The following ELAPOR2 variants were observed in gnomAD, a reference collection of about 807,000 sequenced individuals.
The protein encoded by ELAPOR2 is endosome-lysosome associated apoptosis and autophagy regulator family member 2.
ELAPOR2 carries 89 observed loss-of-function variants against 120.7 expected under a neutral mutation model. That is an observed-to-expected ratio of 0.74 (90% CI 0.62 to 0.88). ELAPOR2 has a LOEUF of 0.88. Among genes scored for constraint, ELAPOR2 ranks in the 40% least tolerant of loss-of-function variants. The pLI is 0.00. For missense variants in ELAPOR2, 1,134 were observed against 1,251.6 expected (o/e 0.91, Z 1.42); for synonymous variants, 444 against 444.9 (o/e 1.00, Z 0.03).
rs1302450722 is a variant in ELAPOR2 at position 86,918,471 on chromosome 7, A to C, written c.1564T>G (p.Ser522Ala). 1.8e-5 allele frequency: 29 copies of C among 1,613,110 alleles called. No homozygotes were observed. Among genetic ancestry groups the C allele is most frequent in the Non-Finnish European group, 2.5e-5 (29 of 1,179,424 alleles). The part of the protein sequence containing the change: ...RITFVFETLC[S>A]ADCVLYFMVD... ...ATGAAGTACAAAACACAGTCAGCTG[A>C]ACAGAGGGTCTCAAAGACAAATGTT... The change falls in exon 12 of 22, where the codon TCA becomes GCA. Residue 522 changes from serine (S) to alanine (A), a missense_variant. By Grantham distance (99) the Ser-to-Ala change is moderately conservative (BLOSUM62 1). This residue lies in a region of ELAPOR2 where 831 missense variants were observed against 867.6 expected (regional missense o/e 0.96). Transcript: ENST00000450689.
At chr7:86,922,448 A>G (rs1436031260) in intron 10 of ELAPOR2, among the ~76,000 whole-genome samples, 2 of 151,874 alleles carry the variant, frequency 1.3e-5, no homozygotes, top group Non-Finnish European at 2.9e-5. Context: ...GAAACCTAAA[A>G]TTACTTATAA....
chr7:87,047,743 C>T (rs1018896982), intron 1 of ELAPOR2, among the ~76,000 whole-genome samples: 14 of 152,130 alleles, frequency 9.2e-5, no homozygotes, highest in Non-Finnish European at 1.9e-4. Flanking sequence ...TTAGTGCAAC[C>T]ACTGTGGAGA....
chr7:86,912,266 A>T (rs996146654), intron 14 of ELAPOR2, 21 bp from the exon 15 acceptor site: 1 of 1,528,772 alleles, frequency 6.5e-7, no homozygotes, highest in African/African-American at 1.4e-5. Context: ...AGATAAAGAA[A>T]CAATATAGCA....
intron 1 of ELAPOR2, among the ~76,000 whole-genome samples, chr7:87,002,810 C>T (rs914231193): frequency 1.3e-5 from 2 of 152,096 alleles, no homozygotes; most frequent in Non-Finnish European, 2.9e-5. Flanking sequence ...ATACCCCATC[C>T]CCCAGCACTT....
intron 1 of ELAPOR2, among the ~76,000 whole-genome samples, chr7:86,968,148 C>T (rs902010734): frequency 1.2e-4 from 19 of 152,158 alleles, no homozygotes; most frequent in East Asian, 1.9e-4. Flanking sequence ...TTCTGAATGG[C>T]ATTCAGGGTA....
intron 1 of ELAPOR2, among the ~76,000 whole-genome samples, chr7:86,994,756 T>G (rs1414509951): frequency 6.6e-6 from 1 of 152,088 alleles, no homozygotes; most frequent in East Asian, 1.9e-4. Flanking sequence ...AGAAGATATC[T>G]TAGTTTTGTA....
At chr7:86,905,070 AGAAGGAAG>A (rs201126011) in intron 18 of ELAPOR2, among the ~76,000 whole-genome samples, 11,679 of 98,066 alleles carry the variant, frequency 0.12, 786 homozygotes, top group African/African-American at 0.18. Flanking sequence ...ACAGAGAGAG[AGAAGGAAG>A]GAAGGAAGGA....
intron 1 of ELAPOR2, among the ~76,000 whole-genome samples, chr7:87,041,944 T>A (rs1306464905): frequency 2.6e-5 from 4 of 151,504 alleles, no homozygotes; most frequent in Non-Finnish European, 5.9e-5. Context: ...AAGACAAAAA[T>A]GGCAGGGGTT....
intron 1 of ELAPOR2, among the ~76,000 whole-genome samples, chr7:87,014,027 C>CTTTTTTTTTTTTTTTTTT (rs35583728): frequency 8.2e-6 from 1 of 122,432 alleles, no homozygotes; most frequent in Non-Finnish European, 1.7e-5. Flanking sequence ...ATGTTTTTCA[C>CTTTTTTTTTTTTTTTTTT]TTTTTTTTTT....
intron 3 of ELAPOR2, among the ~76,000 whole-genome samples, chr7:86,945,887 G>T (rs1435854663): frequency 6.6e-6 from 1 of 151,862 alleles, no homozygotes; most frequent in Non-Finnish European, 1.5e-5. Context: ...CCACAAATTG[G>T]GAAGAAGTGT....
At chr7:86,899,307 G>T (rs1788606570) in intron 18 of ELAPOR2, among the ~76,000 whole-genome samples, 1 of 152,068 alleles carries the variant, frequency 6.6e-6, no homozygotes, top group Non-Finnish European at 1.5e-5. Context: ...CTGCTGTTTT[G>T]TTCATGAATT....
At chr7:86,889,430 T>C (rs1799849559) in intron 21 of ELAPOR2, among the ~76,000 whole-genome samples, 1 of 151,194 alleles carries the variant, frequency 6.6e-6, no homozygotes, top group Admixed American at 6.6e-5. Context: ...AGTGGATGCC[T>C]GAAACCAAGT....
intron 1 of ELAPOR2, among the ~76,000 whole-genome samples, chr7:86,983,185 T>C (rs935698535): frequency 9.9e-5 from 15 of 152,156 alleles, no homozygotes; most frequent in African/African-American, 3.1e-4. Context: ...TATGGGACTA[T>C]GTGAAAAGAC....
intron 2 of ELAPOR2, among the ~76,000 whole-genome samples, chr7:86,955,710 C>T (rs1204824994): frequency 1.3e-5 from 2 of 152,062 alleles, no homozygotes; most frequent in Admixed American, 6.5e-5. Context: ...CCAAAAGAGA[C>T]CTTTGAGATT....
chr7:87,025,551 G>A (rs10236531), intron 1 of ELAPOR2, among the ~76,000 whole-genome samples: 61,444 of 151,742 alleles, frequency 0.4, 13,977 homozygotes, highest in African/African-American at 0.62. Context: ...TTGACTCACA[G>A]GCCAATGCTT....
At chr7:86,904,753 C>G (rs1260987210) in intron 18 of ELAPOR2, among the ~76,000 whole-genome samples, 1 of 152,178 alleles carries the variant, frequency 6.6e-6, no homozygotes, top group Non-Finnish European at 1.5e-5. Flanking sequence ...TTAAGACTTT[C>G]TCACTTTCCC....
chr7:87,008,357 T>C (rs1793550726), intron 1 of ELAPOR2, among the ~76,000 whole-genome samples: 1 of 152,146 alleles, frequency 6.6e-6, no homozygotes. Flanking sequence ...AGAGACATGA[T>C]AAAGAAATGC....
At chr7:86,945,139 A>G (rs1790948726) in intron 3 of ELAPOR2, 93 bp from the exon 4 acceptor site, 1 of 1,180,732 alleles carries the variant, frequency 8.5e-7, no homozygotes, top group Non-Finnish European at 1.2e-6. Context: ...GAGTAGTTCC[A>G]TCAGCAAAGT....
intron 1 of ELAPOR2, among the ~76,000 whole-genome samples, chr7:87,009,295 G>A (rs1384194696): frequency 6.6e-6 from 1 of 152,138 alleles, no homozygotes; most frequent in Non-Finnish European, 1.5e-5. Context: ...AGGAAGTAGA[G>A]ATTCAATCTA....
Sources: gnomAD v4.1 joint callset for allele counts (sites outside exome capture counted in the v4.1 genomes callset) on GRCh38, gnomAD v4.1.1 for gene constraint, gnomAD v4.1.1 regional missense constraint, MANE v1.5 for transcripts, NCBI Gene and HGNC (gene_info 2026-07-23, HGNC 2026-07-21) for gene names.